The following ARHGAP6 variants were observed in gnomAD, a reference collection of about 807,000 sequenced individuals.
ARHGAP6 encodes Rho GTPase activating protein 6.
Under a neutral mutation model 55.7 loss-of-function variants are expected in ARHGAP6, and 16 were observed. The ratio of observed to expected loss-of-function variants is 0.29; its 90% CI spans 0.19 to 0.44. The LOEUF (loss-of-function observed/expected upper bound fraction) is 0.44. Among genes scored for constraint, ARHGAP6 ranks in the 20% least tolerant of loss-of-function variants. The pLI is 1.00. For synonymous variants in ARHGAP6, 382 were observed against 360.9 expected (o/e 1.06, Z -0.66); for missense variants, 698 against 808.9 (o/e 0.86, Z 1.66).
At chrX:11,495,395 C>T (rs936333527) in intron 1 of ARHGAP6, among the ~76,000 whole-genome samples, 5 of 112,008 alleles carry the variant, frequency 4.5e-5, no homozygotes, top group South Asian at 3.7e-4. Flanking sequence ...TGAGACTTGA[C>T]GGGACTTCTC....
rs189901887 is a variant in ARHGAP6 at position 11,186,021 on chromosome X, C to A, written c.1273+215G>T. Among the ~76,000 whole-genome samples, 32 of 111,576 alleles carry A rather than the reference C, an allele frequency of 2.9e-4. No individual in the cohort carries two copies. The Admixed American group carries it at 3.0e-3, about 11-fold the overall frequency. On this transcript the variant is annotated intron_variant, in intron 5 of 12. Transcript: ENST00000337414. ...CTTCTGAGGACTACTGGGAGCTAAGCAGTCTGAATATCATCAAGTTGATTC... is the reference window on the plus strand; with the variant it reads ...CTTCTGAGGACTACTGGGAGCTAAGAAGTCTGAATATCATCAAGTTGATTC...
At chrX:11,434,846 G>A (rs1472977913) in intron 1 of ARHGAP6, among the ~76,000 whole-genome samples, 1 of 111,696 alleles carries the variant, frequency 9.0e-6, no homozygotes, top group East Asian at 2.8e-4. Context: ...GATGAGCCAG[G>A]GAGTTCCAGA....
intron 1 of ARHGAP6, among the ~76,000 whole-genome samples, chrX:11,258,554 G>C (rs1410404375): frequency 9.0e-6 from 1 of 111,701 alleles, no homozygotes; most frequent in Non-Finnish European, 1.9e-5. Context: ...TTTTTCTTGA[G>C]CTTTGATTTT....
Position 11,524,985 on chromosome X carries a change from G to A in ARHGAP6, c.588+139256C>T, listed in dbSNP as rs183324229. Reference sequence around the variant, plus strand: ...CATGCTCCTAAGAGAATCTAATGCCGCTGCTGATTTGATGGGAGGCAGAGC... The same window carrying A: ...CATGCTCCTAAGAGAATCTAATGCCACTGCTGATTTGATGGGAGGCAGAGC... On this transcript the variant is annotated intron_variant, in intron 1 of 12. Coordinates refer to ENST00000337414, the MANE Select transcript of ARHGAP6 (RefSeq NM_013427.3). 4.5e-3 allele frequency among the ~76,000 whole-genome samples: 495 copies of A among 110,830 alleles called. 1 individual carries two copies. Among genetic ancestry groups the A allele is most frequent in the Non-Finnish European group, 7.5e-3 (396 of 52,892 alleles).
chrX:11,187,706 AC>A (rs1375529973), intron 4 of ARHGAP6, among the ~76,000 whole-genome samples: 7 of 111,934 alleles, frequency 6.3e-5, no homozygotes, highest in Non-Finnish European at 1.1e-4. Context: ...GCAGTCTTCA[AC>A]AGCTGGAGGT....
intron 1 of ARHGAP6, among the ~76,000 whole-genome samples, chrX:11,654,356 C>T (rs2052616475): frequency 8.9e-6 from 1 of 111,732 alleles, no homozygotes; most frequent in South Asian, 3.8e-4. Context: ...TCCACTTCTA[C>T]AGAAATGAAA....
intron 1 of ARHGAP6, among the ~76,000 whole-genome samples, chrX:11,481,121 C>G (rs947438943): frequency 1.8e-5 from 2 of 111,076 alleles, no homozygotes; most frequent in African/African-American, 6.5e-5. Context: ...TGGAGTGCTA[C>G]TATTTACAGA....
intron 1 of ARHGAP6, among the ~76,000 whole-genome samples, chrX:11,320,650 T>C (rs1421516159): frequency 9.1e-6 from 1 of 110,219 alleles, no homozygotes; most frequent in African/African-American, 3.3e-5. Flanking sequence ...TACAACCTAT[T>C]GTGAATGGCT....
chrX:11,536,185 A>G (rs1468802556), intron 1 of ARHGAP6, among the ~76,000 whole-genome samples: 1 of 111,742 alleles, frequency 8.9e-6, no homozygotes, highest in African/African-American at 3.3e-5. Context: ...TCGCTGCTTC[A>G]GGACATCCCA....
intron 1 of ARHGAP6, among the ~76,000 whole-genome samples, chrX:11,348,887 A>G (rs1428787690): frequency 9.0e-6 from 1 of 111,028 alleles, no homozygotes; most frequent in African/African-American, 3.3e-5. Context: ...GGGCTCAAGC[A>G]ACTCTCCTGC....
intron 1 of ARHGAP6, among the ~76,000 whole-genome samples, chrX:11,605,010 G>C (rs752236235): frequency 1.4e-4 from 16 of 112,008 alleles, no homozygotes; most frequent in African/African-American, 5.2e-4. Context: ...AGGATTGAAT[G>C]AGCTGTCCCT....
intron 1 of ARHGAP6, among the ~76,000 whole-genome samples, chrX:11,433,143 T>C (rs2049956013): frequency 2.7e-5 from 3 of 111,717 alleles, no homozygotes; most frequent in South Asian, 3.8e-4. Context: ...TGCAGTCACA[T>C]AGGAGAGATG....
chrX:11,591,122 G>C (rs187568065), intron 1 of ARHGAP6, among the ~76,000 whole-genome samples: 2,308 of 107,283 alleles, frequency 0.022, 33 homozygotes, highest in Non-Finnish European at 0.033. Flanking sequence ...AACCTGGAAG[G>C]CAGAGGTTGC....
intron 1 of ARHGAP6, among the ~76,000 whole-genome samples, chrX:11,611,853 A>G (rs1168281392): frequency 1.8e-5 from 2 of 110,275 alleles, no homozygotes; most frequent in Non-Finnish European, 3.8e-5. Flanking sequence ...ACCAGACAAC[A>G]TGCAGTGACA....
Position 11,519,699 on chromosome X carries a change from T to G in ARHGAP6, c.588+144542A>C, listed in dbSNP as rs986569144. ...ATAACACTGCTTACCTACAACTATC[T>G]GATCTTTGACAAACCTGAGAAAAAC... is the stretch of plus-strand genomic sequence containing the variant. On this transcript the variant is annotated intron_variant, in intron 1 of 12. Coordinates refer to ENST00000337414, the MANE Select transcript of ARHGAP6 (RefSeq NM_013427.3). 7.3e-5 allele frequency among the ~76,000 whole-genome samples: 8 copies of G among 108,938 alleles called. 1 individual carries two copies. The highest frequency in any genetic ancestry group is 1.1e-4 in the Non-Finnish European group (6 of 52,664). The allele number at this position is 108,938 out of a possible 115,157, so 94.6% of individuals were successfully genotyped here. A position where few individuals can be genotyped will look rare whatever the true frequency, so the allele number is the denominator to read the frequency against.
intron 1 of ARHGAP6, among the ~76,000 whole-genome samples, chrX:11,642,282 T>C (rs748698604): frequency 9.0e-6 from 1 of 111,544 alleles, no homozygotes; most frequent in African/African-American, 3.3e-5. Context: ...TTTGAGGAAC[T>C]CTCCTAGAAT....
chrX:11,204,188 T>C (rs924885811), intron 2 of ARHGAP6, among the ~76,000 whole-genome samples: 12 of 112,611 alleles, frequency 1.1e-4, no homozygotes, highest in African/African-American at 3.6e-4. Flanking sequence ...CCTTTGGACT[T>C]GATGATATCA....
intron 1 of ARHGAP6, among the ~76,000 whole-genome samples, chrX:11,579,549 C>G (rs1274403347): frequency 1.8e-5 from 2 of 112,048 alleles, no homozygotes; most frequent in African/African-American, 6.5e-5. Context: ...GATTAACTAA[C>G]TCTATCAATA....
intron 1 of ARHGAP6, among the ~76,000 whole-genome samples, chrX:11,491,785 C>A (rs2050572301): frequency 9.1e-6 from 1 of 110,327 alleles, no homozygotes; most frequent in South Asian, 3.9e-4. Context: ...TGAGGAATCG[C>A]CACACTGACT....
Sources: gnomAD v4.1 joint callset for allele counts (sites outside exome capture counted in the v4.1 genomes callset) on GRCh38, gnomAD v4.1.1 for gene constraint, MANE v1.5 for transcripts, NCBI Gene and HGNC (gene_info 2026-07-23, HGNC 2026-07-21) for gene names.